TRIO: variants seen among roughly 807,000 people sequenced by gnomAD.
TRIO encodes the protein triple functional domain protein.
A neutral mutation model predicts 351.9 loss-of-function variants in TRIO; 58 were observed. The observed-to-expected ratio is 0.16, with a 90% CI of 0.13 to 0.21. TRIO has a LOEUF of 0.21. Among genes scored for constraint, TRIO ranks in the 10% least tolerant of loss-of-function variants. The pLI is 1.00. For missense variants in TRIO, 3,201 were observed against 4,027.8 expected, an observed-to-expected ratio of 0.79 and a Z score of 5.56; for synonymous variants, 1,758 against 1,595.7, an observed-to-expected ratio of 1.10 and a Z score of -2.42.
intron 3 of TRIO, among the ~76,000 whole-genome samples, chr5:14,281,944 C>T (rs1233585169): frequency 6.6e-6 from 1 of 152,202 alleles, no homozygotes; most frequent in African/African-American, 2.4e-5. Context: ...AGCACTCAAC[C>T]TGTGTAGGTT....
intron 48 of TRIO, chr5:14,488,541 T>C: frequency 1.9e-6 from 1 of 533,416 alleles, no homozygotes; most frequent in African/African-American, 1.9e-5. Context: ...GAATATCTTC[T>C]TGGAACTTTC....
chr5:14,189,065 C>T (rs1428767464), intron 1 of TRIO, among the ~76,000 whole-genome samples: 8 of 152,198 alleles, frequency 5.3e-5, no homozygotes, highest in Non-Finnish European at 7.3e-5. Context: ...TTGAAAAACT[C>T]ATACAAATTG....
chr5:14,352,889 T>G (rs74699484), intron 11 of TRIO, among the ~76,000 whole-genome samples: 1 of 6,286 alleles, frequency 1.6e-4, no homozygotes, highest in East Asian at 2.2e-3. Context: ...AGTTTTTGGG[T>G]TTTTTTTTTT....
intron 1 of TRIO, among the ~76,000 whole-genome samples, chr5:14,244,718 G>A (rs1241074208): frequency 6.6e-6 from 1 of 152,250 alleles, no homozygotes; most frequent in Non-Finnish European, 1.5e-5. Flanking sequence ...ACAGCGGCAA[G>A]AAGCAGCACC....
At chr5:14,358,411 C>A in intron 12 of TRIO, 64 bp downstream of exon 12, 1 of 1,579,562 alleles carries the variant, frequency 6.3e-7, no homozygotes, top group Non-Finnish European at 8.6e-7. Flanking sequence ...TCCCCTTCCC[C>A]TTTTACTCTT....
Position 14,290,707 on chromosome 5 carries a change from TC to T in TRIO, c.541-6del, listed in dbSNP as rs753004748. The T allele has an allele frequency of 6.3e-7, 1 of 1,575,260 alleles. No homozygotes were observed. The highest frequency in any genetic ancestry group is 1.9e-5 in the Admixed American group (1 of 52,928). ...TCATCTTCTCATACGTGATTTTTTT[TC>T]CCTTAAGACAAATATGGTCTCTTTA... On this transcript the variant is annotated splice_region_variant and splice_polypyrimidine_tract_variant and intron_variant, in intron 4 of 56. Transcript: ENST00000344204.
intron 33 of TRIO, among the ~76,000 whole-genome samples, chr5:14,408,039 C>T (rs148169379): frequency 2.2e-4 from 34 of 152,282 alleles, no homozygotes; most frequent in African/African-American, 7.7e-4. Context: ...TCATGAGACC[C>T]GGGAGTCTGT....
intron 39 of TRIO, among the ~76,000 whole-genome samples, chr5:14,473,202 A>G (rs750927664): frequency 6.6e-6 from 1 of 152,220 alleles, no homozygotes; most frequent in Non-Finnish European, 1.5e-5. Context: ...TGCCTTTTGT[A>G]CTGGATCGAG....
chr5:14,304,018 G>A (rs532000162), intron 7 of TRIO, among the ~76,000 whole-genome samples: 4 of 152,216 alleles, frequency 2.6e-5, no homozygotes, highest in Admixed American at 2.6e-4. Context: ...TAAGGCTGAC[G>A]TGTAGCTGCA....
intron 14 of TRIO, among the ~76,000 whole-genome samples, chr5:14,364,378 C>G (rs575757440): frequency 1.2e-4 from 18 of 151,964 alleles, no homozygotes; most frequent in Admixed American, 1.0e-3. Flanking sequence ...AGGATAACAA[C>G]AAAAAAAACC....
At position 14,406,009 on chromosome 5, in the gene TRIO, C is replaced by G. The variant is rs781000521; in HGVS notation, c.4859+19C>G. The G allele has an allele frequency of 6.2e-7, 1 of 1,609,102 alleles. No individual in the cohort carries two copies. The highest frequency in any genetic ancestry group is 8.5e-7 in the Non-Finnish European group (1 of 1,176,750). On this transcript the variant is annotated intron_variant, in intron 32 of 56. Coordinates refer to ENST00000344204, the MANE Select transcript of TRIO (RefSeq NM_007118.4). ...GAAGGAGGTGCGTGTCTGGGCGCCA[C>G]TGGAGGTTTGTGGATGTGGGAGGGA... is the stretch of plus-strand genomic sequence containing the variant.
At chr5:14,486,066 C>T (rs1035906921) in intron 47 of TRIO, among the ~76,000 whole-genome samples, 3 of 152,032 alleles carry the variant, frequency 2.0e-5, no homozygotes, top group Non-Finnish European at 2.9e-5. Context: ...CAGAACACAG[C>T]GGGCGTGGCC....
chr5:14,159,979 A>G (rs529442296), intron 1 of TRIO, among the ~76,000 whole-genome samples: 20 of 152,364 alleles, frequency 1.3e-4, no homozygotes, highest in Admixed American at 9.8e-4. Context: ...ATAAAATCGC[A>G]TATGCTCTGT....
At chr5:14,366,525 C>T (rs780350116) in intron 15 of TRIO, among the ~76,000 whole-genome samples, 1 of 152,194 alleles carries the variant, frequency 6.6e-6, no homozygotes, top group Non-Finnish European at 1.5e-5. Flanking sequence ...TCTTGATTAT[C>T]AGGGAATTCC....
intron 29 of TRIO, among the ~76,000 whole-genome samples, chr5:14,397,566 C>T (rs1326229778): frequency 2.0e-5 from 3 of 152,106 alleles, no homozygotes; most frequent in African/African-American, 7.2e-5. Flanking sequence ...ATAGTAGGCA[C>T]CAGATATTTC....
At chr5:14,433,686 T>C (rs1751362963) in intron 34 of TRIO, among the ~76,000 whole-genome samples, 1 of 152,232 alleles carries the variant, frequency 6.6e-6, no homozygotes, top group Non-Finnish European at 1.5e-5. Context: ...CAAGGTAGAA[T>C]ACTGAAATTT....
intron 1 of TRIO, among the ~76,000 whole-genome samples, chr5:14,256,450 C>A (rs1795026301): frequency 6.6e-6 from 1 of 152,122 alleles, no homozygotes; most frequent in African/African-American, 2.4e-5. Context: ...ACGTCTAGAG[C>A]CAGGGAGGTG....
At chr5:14,359,299 G>T (rs1743913300) in intron 12 of TRIO, 58 bp from the exon 13 acceptor site, 2 of 1,572,072 alleles carry the variant, frequency 1.3e-6, no homozygotes. Context: ...GCCGGATCTG[G>T]TATCTAACAA....
rs373908431 is a variant in TRIO, at chr5:14,507,298, C to A, written c.8751+38C>A. The A allele has an allele frequency of 1.2e-4, 199 of 1,607,274 alleles. 1 individual carries two copies. The highest frequency in any genetic ancestry group is 1.6e-4 in the Non-Finnish European group (188 of 1,179,066). ...CCGGGCAGGTGAAGGGGGGTCTGAG[C>A]ACACCGGCTTGGCCATGCGGGACAC... On this transcript the variant is annotated intron_variant, in intron 56 of 56. Coordinates refer to ENST00000344204, the MANE Select transcript of TRIO (RefSeq NM_007118.4).
Sources: allele counts gnomAD v4.1 joint callset (sites outside exome capture counted in the v4.1 genomes callset), GRCh38; gene constraint gnomAD v4.1.1; transcripts MANE v1.5; gene names NCBI Gene and HGNC (gene_info 2026-07-23, HGNC 2026-07-21).